Variants in ROCK2 observed in about 807,000 individuals in gnomAD.
The protein encoded by ROCK2 is Rho associated coiled-coil containing protein kinase 2.
A neutral mutation model predicts 195.1 loss-of-function variants in ROCK2; 61 were observed. The observed-to-expected ratio is 0.31, with a 90% CI of 0.25 to 0.39. The LOEUF (loss-of-function observed/expected upper bound fraction) is 0.39, where lower values mean the gene tolerates loss of function less well. Among genes scored for constraint, ROCK2 ranks in the 10% least tolerant of loss-of-function variants. The pLI, the probability that ROCK2 is intolerant of heterozygous loss-of-function variation, is 1.00. For synonymous variants in ROCK2, 504 were observed against 545.5 expected (o/e 0.92, Z 1.06); for missense variants, 1,109 against 1,637.4 (o/e 0.68, Z 5.57).
intron 3 of ROCK2, among the ~76,000 whole-genome samples, chr2:11,263,512 C>T (rs1192770135): frequency 6.6e-6 from 1 of 151,364 alleles, no homozygotes; most frequent in Non-Finnish European, 1.5e-5. Flanking sequence ...CTTCCCGATA[C>T]AAGTGAACTA....
At chr2:11,326,787 A>G (rs1249729221) in intron 1 of ROCK2, among the ~76,000 whole-genome samples, 1 of 152,200 alleles carries the variant, frequency 6.6e-6, no homozygotes, top group East Asian at 1.9e-4. Context: ...ATGAGGAAAC[A>G]TCTCATCCAC....
chr2:11,211,630 A>G (rs1032087019), intron 18 of ROCK2, 51 bp downstream of exon 18: 2 of 1,485,998 alleles, frequency 1.3e-6, no homozygotes, highest in East Asian at 2.3e-5. Flanking sequence ...CTAACACAGA[A>G]TCAATTCTTA....
intron 1 of ROCK2, among the ~76,000 whole-genome samples, chr2:11,335,912 G>C (rs1353214560): frequency 6.6e-6 from 1 of 152,128 alleles, no homozygotes; most frequent in East Asian, 1.9e-4. Flanking sequence ...ACTTTACAGT[G>C]AAACGATTGA....
chr2:11,205,762 A>C (rs1419652161), intron 20 of ROCK2, among the ~76,000 whole-genome samples: 1 of 152,128 alleles, frequency 6.6e-6, no homozygotes, highest in Non-Finnish European at 1.5e-5. Flanking sequence ...CCTAAGAGGG[A>C]TGTAATCATT....
chr2:11,220,077 C>T (rs1664581822), intron 9 of ROCK2, among the ~76,000 whole-genome samples: 1 of 152,244 alleles, frequency 6.6e-6, no homozygotes, highest in African/African-American at 2.4e-5. Context: ...CGTGCAATGG[C>T]ACGATCTCGT....
chr2:11,308,431 G>A (rs867189367), intron 1 of ROCK2: 3 of 1,606,558 alleles, frequency 1.9e-6, no homozygotes, highest in Non-Finnish European at 2.6e-6. Context: ...ATGAAGAAGA[G>A]GGTGGTGCTG....
At position 11,235,275 on chromosome 2, in the gene ROCK2, C is replaced by T. The variant is rs573702768; in HGVS notation, c.723+427G>A. On this transcript the variant is annotated intron_variant, in intron 5 of 32. Transcript: ENST00000315872. This position sits in a 1 kb window ranked among gnomAD's most constrained non-coding sequence, Gnocchi z 4.2. ...TGTGTGGTTGATGCAGAGGGAGTGACGAGGAGGTTGTAACATAAATTTCTT... is the reference window on the plus strand; with the variant it reads ...TGTGTGGTTGATGCAGAGGGAGTGATGAGGAGGTTGTAACATAAATTTCTT... Among the ~76,000 whole-genome samples the T allele has an allele frequency of 2.0e-5, 3 of 152,192 alleles. No individual in the cohort carries two copies. Among genetic ancestry groups the T allele is most frequent in the African/African-American group, 7.2e-5 (3 of 41,526 alleles).
chr2:11,311,519 GA>G (rs1208691658), intron 1 of ROCK2, among the ~76,000 whole-genome samples: 1 of 152,062 alleles, frequency 6.6e-6, no homozygotes, highest in Non-Finnish European at 1.5e-5. Context: ...AAGTAATAAG[GA>G]AAAATAAAAA....
intron 32 of ROCK2, among the ~76,000 whole-genome samples, chr2:11,191,682 G>T (rs918122572): frequency 6.6e-6 from 1 of 152,146 alleles, no homozygotes; most frequent in Non-Finnish European, 1.5e-5. Flanking sequence ...TTATTATACA[G>T]TAAGTCCTCA....
rs1187698344 is a variant in ROCK2 at position 11,197,068 on chromosome 2, T to C, written c.3448+112A>G. The C allele has an allele frequency of 1.6e-6, 1 of 609,152 alleles. No individual in the cohort carries two copies. The highest frequency in any genetic ancestry group is 2.6e-6 in the Non-Finnish European group (1 of 382,594). 37.7% of individuals were successfully genotyped at this position (609,152 alleles called of 1,614,324 possible). A position where few individuals can be genotyped will look rare whatever the true frequency, so the allele number is the denominator to read the frequency against. On this transcript the variant is annotated intron_variant, in intron 27 of 32. Coordinates refer to ENST00000315872, the MANE Select transcript of ROCK2 (RefSeq NM_004850.5). The surrounding 1 kb of genome is among the most constrained non-coding windows in gnomAD (Gnocchi z 4.9). ...AATCCTTACTCCAAGGAGTAGGTTT[T>C]CCCTTAAAGAAATTACAAACATTTT...
At chr2:11,330,752 G>GGAGT (rs1668699270) in intron 1 of ROCK2, among the ~76,000 whole-genome samples, 1 of 68,324 alleles carries the variant, frequency 1.5e-5, no homozygotes. Context: ...GAGGAGGGAG[G>GGAGT]AGGAGGAGGG....
Position 11,197,454 on chromosome 2 carries a change from A to G in ROCK2, c.3279+72T>C. 1 of 1,544,756 alleles carries G rather than the reference A, an allele frequency of 6.5e-7. No individual in the cohort carries two copies. ...AAATAGAAATGGTCTATAACCAGTAAAACACAGACATGAAAATAATTCTAC... is the reference window on the plus strand; with the variant it reads ...AAATAGAAATGGTCTATAACCAGTAGAACACAGACATGAAAATAATTCTAC... On this transcript the variant is annotated intron_variant, in intron 26 of 32. Transcript: ENST00000315872. This position sits in a 1 kb window ranked among gnomAD's most constrained non-coding sequence, Gnocchi z 4.9.
At position 11,193,495 on chromosome 2, in the gene ROCK2, T is replaced by C. The variant is rs941997740; in HGVS notation, c.3687+284A>G. ...AAAATTCATGTTTAAAAAAAAGTCA[T>C]AACCAACCTTAAACAAAAATATAGC... is the stretch of plus-strand genomic sequence containing the variant. On this transcript the variant is annotated intron_variant, in intron 30 of 32. Coordinates refer to ENST00000315872, the MANE Select transcript of ROCK2 (RefSeq NM_004850.5). Among the ~76,000 whole-genome samples, 35 of 152,024 alleles carry C rather than the reference T, an allele frequency of 2.3e-4. 1 individual carries two copies. The highest frequency in any genetic ancestry group is 2.3e-3 in the Admixed American group (35 of 15,270).
chr2:11,182,095 G>A lies in ROCK2; in HGVS notation c.*1342C>T, dbSNP rs567446883. 1 of 152,100 alleles carries A rather than the reference G, an allele frequency of 6.6e-6. No individual in the cohort carries two copies. The highest frequency in any genetic ancestry group is 2.4e-5 in the African/African-American group (1 of 41,488). 9.4% of individuals were successfully genotyped at this position (152,100 alleles called of 1,614,324 possible). ...AAAACACACACTTATCTGGGATCAT[G>A]AGAATACGGCAAGAATGTCCTGCGT... On this transcript the variant is annotated 3_prime_UTR_variant, in exon 33 of 33. Coordinates refer to ENST00000315872, the MANE Select transcript of ROCK2 (RefSeq NM_004850.5).
At chr2:11,312,369 A>T (rs1348849112) in intron 1 of ROCK2, among the ~76,000 whole-genome samples, 1 of 152,142 alleles carries the variant, frequency 6.6e-6, no homozygotes, top group Non-Finnish European at 1.5e-5. Flanking sequence ...TCATCACCAC[A>T]GTCACTATAA....
intron 20 of ROCK2, among the ~76,000 whole-genome samples, chr2:11,206,341 A>C (rs1415155828): frequency 6.6e-6 from 1 of 152,200 alleles, no homozygotes; most frequent in Non-Finnish European, 1.5e-5. Flanking sequence ...AAGCATTATT[A>C]GAAGTGGGAA....
chr2:11,344,111 T>C lies in ROCK2; in HGVS notation c.26A>G (p.Lys9Arg). The change falls in exon 1 of 33, where the codon AAA becomes AGA. Residue 9 changes from lysine to arginine, a missense_variant. Lys to Arg is a conservative substitution (Grantham distance 26). Transcript: ENST00000315872. This position sits in a 1 kb window ranked among gnomAD's most constrained non-coding sequence, Gnocchi z 5.4. Reference protein sequence around the residue: MSRPPPTGKMPGAPETAPG... With the variant: MSRPPPTGRMPGAPETAPG... ...CGCGGTCTCGGGGGCGCCGGGCATT[T>C]TCCCCGTCGGCGGGGGCCGGCTCAT... The C allele has an allele frequency of 2.0e-6, 3 of 1,498,002 alleles. No individual in the cohort carries two copies. The highest frequency in any genetic ancestry group is 2.7e-6 in the Non-Finnish European group (3 of 1,130,848). The allele number at this position is 1,498,002 out of a possible 1,614,324, so 92.8% of individuals were successfully genotyped here.
Position 11,216,147 on chromosome 2 carries a change from G to T in ROCK2, c.1461+11C>A. On this transcript the variant is annotated intron_variant, in intron 13 of 32. Coordinates refer to ENST00000315872, the MANE Select transcript of ROCK2 (RefSeq NM_004850.5). The stretch of plus-strand genomic sequence containing the variant: ...AACAAAAATGTTAATAAAAAAGTGG[G>T]GCAACTTTACCTCCTCTTCTAGCTC... 1 of 1,609,492 alleles carries T rather than the reference G, an allele frequency of 6.2e-7. No homozygotes were observed. The highest frequency in any genetic ancestry group is 1.1e-5 in the South Asian group (1 of 90,906).
At chr2:11,245,661 G>T (rs1665587053) in intron 4 of ROCK2, among the ~76,000 whole-genome samples, 1 of 152,166 alleles carries the variant, frequency 6.6e-6, no homozygotes, top group Non-Finnish European at 1.5e-5. Context: ...ATCAAGAGCA[G>T]CAAATGTTTA....
Sources: allele counts gnomAD v4.1 joint callset (sites outside exome capture counted in the v4.1 genomes callset), GRCh38; gene constraint gnomAD v4.1.1; non-coding constraint Gnocchi (gnomAD v3.1); transcripts MANE v1.5; gene names NCBI Gene and HGNC (gene_info 2026-07-23, HGNC 2026-07-21).